Variants in GALNT13 observed in about 807,000 individuals in gnomAD.
GALNT13 encodes polypeptide N-acetylgalactosaminyltransferase 13, also known as UDP-GalNAc:polypeptide N-acetylgalactosaminyltransferase 13.
GALNT13 carries 28 observed loss-of-function variants against 64.2 expected under a neutral mutation model. The observed-to-expected ratio is 0.44, with a 90% CI of 0.32 to 0.60. The LOEUF (loss-of-function observed/expected upper bound fraction) is 0.60, where lower values mean the gene tolerates loss of function less well. Among genes scored for constraint, GALNT13 ranks in the 20% least tolerant of loss-of-function variants. The probability of loss-of-function intolerance (pLI) is 0.05; values close to 1 mark genes in which losing one functional copy is unlikely to be tolerated. For missense variants in GALNT13, 577 were observed against 669.8 expected (o/e 0.86, Z 1.53); for synonymous variants, 214 against 224.6 (o/e 0.95, Z 0.42).
At chr2:153,801,561 T>G in the GALNT13 span, among the ~76,000 whole-genome samples, 1 of 152,124 alleles carries the variant, frequency 6.6e-6, no homozygotes, top group Non-Finnish European at 1.5e-5. Flanking sequence ...GTTTTTCTCT[T>G]GTATGGCCAC....
At chr2:154,008,351 A>T (rs374131211) in intron 3 of GALNT13, among the ~76,000 whole-genome samples, 1 of 151,982 alleles carries the variant, frequency 6.6e-6, no homozygotes, top group East Asian at 1.9e-4. Context: ...ATTCTATATC[A>T]TTTTCCTATC....
chr2:153,634,138 C>T, the GALNT13 span, among the ~76,000 whole-genome samples: 1 of 151,876 alleles, frequency 6.6e-6, no homozygotes, highest in African/African-American at 2.4e-5. Flanking sequence ...GTCAGTAGTC[C>T]AGAACCACCG....
the GALNT13 span, among the ~76,000 whole-genome samples, chr2:153,406,910 A>C: frequency 6.6e-6 from 1 of 152,152 alleles, no homozygotes; most frequent in African/African-American, 2.4e-5. Context: ...GTTGAACATT[A>C]TCATTTTCAG....
chr2:154,420,573 C>G (rs1023169873), intron 11 of GALNT13, among the ~76,000 whole-genome samples: 6 of 151,982 alleles, frequency 3.9e-5, no homozygotes, highest in Non-Finnish European at 8.8e-5. Flanking sequence ...ATATTTAATA[C>G]TTTTTTAATT....
At chr2:153,145,627 A>C in the GALNT13 span, among the ~76,000 whole-genome samples, 1 of 151,896 alleles carries the variant, frequency 6.6e-6, no homozygotes, top group Admixed American at 6.6e-5. Context: ...CACCTGGCAG[A>C]GATGGATTAG....
At chr2:153,353,656 T>C in the GALNT13 span, among the ~76,000 whole-genome samples, 1 of 152,140 alleles carries the variant, frequency 6.6e-6, no homozygotes, top group African/African-American at 2.4e-5. Context: ...GTTTTTGTCA[T>C]GAATGGGTGT....
intron 1 of GALNT13, among the ~76,000 whole-genome samples, chr2:153,894,821 A>G (rs1164790618): frequency 6.6e-6 from 1 of 152,168 alleles, no homozygotes; most frequent in African/African-American, 2.4e-5. Flanking sequence ...CAAAAAGTTC[A>G]TATATCTTTA....
At chr2:153,835,484 C>T in the GALNT13 span, among the ~76,000 whole-genome samples, 4,110 of 151,954 alleles carry the variant, frequency 0.027, 80 homozygotes, top group Non-Finnish European at 0.04. Context: ...AGAATGCAGT[C>T]ATTTAAAAAA....
chr2:153,603,035 G>A, the GALNT13 span, among the ~76,000 whole-genome samples: 2 of 151,832 alleles, frequency 1.3e-5, no homozygotes, highest in African/African-American at 4.8e-5. Flanking sequence ...GAAAAATAGT[G>A]TTGTGTTGTA....
intron 3 of GALNT13, among the ~76,000 whole-genome samples, chr2:154,102,899 A>C (rs1037347401): frequency 6.6e-6 from 1 of 152,030 alleles, no homozygotes; most frequent in African/African-American, 2.4e-5. Flanking sequence ...TAGTATTTTT[A>C]TACTGTTGTT....
the GALNT13 span, among the ~76,000 whole-genome samples, chr2:153,188,164 G>A: frequency 1.3e-5 from 2 of 151,688 alleles, no homozygotes; most frequent in African/African-American, 4.8e-5. Context: ...TTCCTGTTCT[G>A]AACTATAACA....
At chr2:153,482,765 C>T in the GALNT13 span, among the ~76,000 whole-genome samples, 2 of 145,838 alleles carry the variant, frequency 1.4e-5, no homozygotes, top group Non-Finnish European at 3.0e-5. Context: ...CCAACGCACC[C>T]AGCCTTTTTT....
chr2:154,343,463 T>C lies in GALNT13; in HGVS notation c.1156+41874T>C, dbSNP rs577001404. ...AACTTCATTATGCAAGAGATACAAA[T>C]AGGATGTGATCTCATAAGACTACTA... On this transcript the variant is annotated intron_variant, in intron 9 of 12. Coordinates refer to ENST00000392825, the MANE Select transcript of GALNT13 (RefSeq NM_052917.4). 1.1e-3 allele frequency among the ~76,000 whole-genome samples: 174 copies of C among 152,110 alleles called. 1 individual carries two copies. Among genetic ancestry groups the C allele is most frequent in the African/African-American group, 4.0e-3 (168 of 41,528 alleles).
chr2:154,041,703 ATATGAAG>A lies in GALNT13; in HGVS notation c.142+97068_142+97074del, dbSNP rs1273096495. Among the ~76,000 whole-genome samples, 3 of 140,822 alleles carry A rather than the reference ATATGAAG, an allele frequency of 2.1e-5. 1 individual carries two copies. The highest frequency in any genetic ancestry group is 3.3e-5 in the Non-Finnish European group (2 of 61,338). 92.4% of individuals were successfully genotyped at this position (140,822 alleles called of 152,430 possible). A position where few individuals can be genotyped will look rare whatever the true frequency, so the allele number is the denominator to read the frequency against. ...GATACCATAGACATTTTCTGTAATG[ATATGAAG>A]TATAATTTGTATTTACTTTCTTCAA... On this transcript the variant is annotated intron_variant, in intron 3 of 12. Coordinates refer to ENST00000392825, the MANE Select transcript of GALNT13 (RefSeq NM_052917.4).
chr2:153,402,960 G>T, the GALNT13 span, among the ~76,000 whole-genome samples: 2 of 152,062 alleles, frequency 1.3e-5, no homozygotes, highest in African/African-American at 2.4e-5. Context: ...GCTTTGTTCC[G>T]TTGCTGGTGA....
chr2:154,379,012 G>C (rs187784531), intron 9 of GALNT13, among the ~76,000 whole-genome samples: 120 of 152,016 alleles, frequency 7.9e-4, no homozygotes, highest in Admixed American at 1.7e-3. Flanking sequence ...GTTACAGTAC[G>C]TAAAATGAAA....
intron 9 of GALNT13, among the ~76,000 whole-genome samples, chr2:154,328,273 T>G (rs1362198155): frequency 6.6e-6 from 1 of 152,144 alleles, no homozygotes; most frequent in Non-Finnish European, 1.5e-5. Flanking sequence ...ATCACACATA[T>G]GTTTGCTTGC....
chr2:153,634,538 A>G, the GALNT13 span, among the ~76,000 whole-genome samples: 2 of 148,124 alleles, frequency 1.4e-5, no homozygotes, highest in Non-Finnish European at 3.0e-5. Context: ...AAAAAGATGG[A>G]AATCTTTTTT....
At chr2:153,812,972 A>G in the GALNT13 span, among the ~76,000 whole-genome samples, 1 of 152,314 alleles carries the variant, frequency 6.6e-6, no homozygotes, top group South Asian at 2.1e-4. Flanking sequence ...TATTGCTGAG[A>G]TATTAAAATG....
Sources: gnomAD v4.1 joint callset for allele counts (sites outside exome capture counted in the v4.1 genomes callset) on GRCh38, gnomAD v4.1.1 for gene constraint, MANE v1.5 for transcripts, NCBI Gene and HGNC (gene_info 2026-07-23, HGNC 2026-07-21) for gene names.